CPNE8: variants seen among roughly 807,000 people sequenced by gnomAD.
CPNE8 encodes the protein copine-8.
A neutral mutation model predicts 81.5 loss-of-function variants in CPNE8; 45 were observed. That is an observed-to-expected ratio of 0.55 (90% confidence interval 0.44 to 0.71). The LOEUF (loss-of-function observed/expected upper bound fraction) is 0.71, where lower values mean the gene tolerates loss of function less well. CPNE8 is among the 30% of genes least tolerant of loss of function. The probability of loss-of-function intolerance (pLI) is 0.00; values close to 1 mark genes in which losing one functional copy is unlikely to be tolerated. For missense variants in CPNE8, 594 were observed against 672.1 expected (o/e 0.88, Z 1.28); for synonymous variants, 252 against 226.3 (o/e 1.11, Z -1.02).
At chr12:38,873,182 C>CA (rs374040837) in intron 2 of CPNE8, 132 bp from the exon 3 acceptor site, 11,575 of 411,830 alleles carry the variant, frequency 0.028, 37 homozygotes, top group South Asian at 0.075. Flanking sequence ...CTTACCCTTG[C>CA]AAAAAAAAAA....
At chr12:38,756,740 T>C (rs1941468731) in intron 10 of CPNE8, among the ~76,000 whole-genome samples, 1 of 152,224 alleles carries the variant, frequency 6.6e-6, no homozygotes, top group Non-Finnish European at 1.5e-5. Context: ...AAACATTTCA[T>C]CTGATATAAA....
chr12:38,899,029 T>C (rs951462839), intron 1 of CPNE8, among the ~76,000 whole-genome samples: 5 of 152,156 alleles, frequency 3.3e-5, no homozygotes, highest in African/African-American at 9.7e-5. Flanking sequence ...CTAACTGCAA[T>C]ATACCTGCTA....
chr12:38,848,782 T>A, intron 3 of CPNE8, 120 bp from the exon 4 acceptor site: 1 of 1,257,920 alleles, frequency 7.9e-7, no homozygotes, highest in Non-Finnish European at 1.0e-6. Context: ...ATAATAGAAA[T>A]TTTTTAGCGA....
intron 19 of CPNE8, among the ~76,000 whole-genome samples, chr12:38,657,015 C>T (rs1459323250): frequency 6.6e-6 from 1 of 152,164 alleles, no homozygotes; most frequent in African/African-American, 2.4e-5. Flanking sequence ...GATCATCTCA[C>T]TGGGACTGGT....
chr12:38,723,474 A>T (rs1940616680), intron 13 of CPNE8, among the ~76,000 whole-genome samples: 1 of 152,196 alleles, frequency 6.6e-6, no homozygotes, highest in Non-Finnish European at 1.5e-5. Flanking sequence ...TAAATAGTAC[A>T]TGTAAAATGT....
chr12:38,697,816 C>T (rs1400296386), intron 14 of CPNE8, among the ~76,000 whole-genome samples: 1 of 152,178 alleles, frequency 6.6e-6, no homozygotes, highest in East Asian at 1.9e-4. Context: ...CTCTCTCTCT[C>T]TCTCTTGCTC....
At chr12:38,869,671 A>G (rs773949556) in intron 3 of CPNE8, among the ~76,000 whole-genome samples, 4 of 152,070 alleles carry the variant, frequency 2.6e-5, no homozygotes, top group Non-Finnish European at 4.4e-5. Context: ...TTCTCTCTTT[A>G]ATACTTTTCA....
intron 6 of CPNE8, among the ~76,000 whole-genome samples, chr12:38,787,550 AG>A (rs1942223114): frequency 6.6e-6 from 1 of 151,840 alleles, no homozygotes; most frequent in African/African-American, 2.4e-5. Flanking sequence ...GAATTAGAAA[AG>A]CAAGAGCAAA....
At position 38,707,602 on chromosome 12, in the gene CPNE8, G is replaced by T. The variant is rs191716115; in HGVS notation, c.915-4681C>A. ...CACTAAATGATAAATAAGACCATTT[G>T]GTAATTATGGTGCAACAGAGACACT... On this transcript the variant is annotated intron_variant, in intron 13 of 19. Transcript: ENST00000331366. Among the ~76,000 whole-genome samples, 17 of 152,240 alleles carry T rather than the reference G, an allele frequency of 1.1e-4. No homozygotes were observed. In the East Asian group the frequency reaches 3.1e-3, roughly 28 times the overall value.
In CPNE8 at chr12:38,698,999, A is replaced by G. The variant is rs550365594; in HGVS notation, c.961+3876T>C. On this transcript the variant is annotated intron_variant, in intron 14 of 19. Transcript: ENST00000331366. ...TTTCCATATGAATTTCTTCCAAAAC[A>G]TCCTTTCAGATTTTGATAAAGATTG... Among the ~76,000 whole-genome samples the G allele has an allele frequency of 2.6e-5, 4 of 152,344 alleles. No individual in the cohort carries two copies. In the South Asian group the frequency reaches 8.3e-4, roughly 32 times the overall value.
intron 18 of CPNE8, among the ~76,000 whole-genome samples, chr12:38,671,280 C>CACACACACACGCAT (rs1344828690): frequency 1.1e-4 from 17 of 152,008 alleles, no homozygotes; most frequent in Middle Eastern, 6.8e-3. Context: ...CATACACATA[C>CACACACACACGCAT]ACACACACAC....
At chr12:38,792,110 G>C (rs1294027713) in intron 6 of CPNE8, among the ~76,000 whole-genome samples, 1 of 150,270 alleles carries the variant, frequency 6.7e-6, no homozygotes, top group Non-Finnish European at 1.5e-5. Flanking sequence ...GTTTATAGCT[G>C]TAAACATATA....
intron 10 of CPNE8, among the ~76,000 whole-genome samples, chr12:38,735,085 C>A (rs1322554137): frequency 6.6e-6 from 1 of 152,032 alleles, no homozygotes; most frequent in African/African-American, 2.4e-5. Context: ...GATTTTGGAA[C>A]AAAACTGGTA....
At chr12:38,833,955 G>C (rs1007515131) in intron 5 of CPNE8, among the ~76,000 whole-genome samples, 2 of 152,140 alleles carry the variant, frequency 1.3e-5, no homozygotes, top group African/African-American at 4.8e-5. Context: ...CAAAGTCCCT[G>C]AGACAAGTAT....
chr12:38,684,953 A>G (rs11169105), intron 16 of CPNE8, among the ~76,000 whole-genome samples: 14,857 of 152,212 alleles, frequency 0.098, 916 homozygotes, highest in East Asian at 0.24. Context: ...ACTTGGAGTA[A>G]TAAGCAATTA....
chr12:38,756,336 A>C (rs1485619301), intron 10 of CPNE8, among the ~76,000 whole-genome samples: 1 of 149,616 alleles, frequency 6.7e-6, no homozygotes, highest in Non-Finnish European at 1.5e-5. Context: ...ATTGTAAGCA[A>C]GTAAAGCATT....
intron 6 of CPNE8, among the ~76,000 whole-genome samples, chr12:38,821,737 G>A (rs1182771438): frequency 5.3e-5 from 8 of 152,204 alleles, no homozygotes; most frequent in African/African-American, 1.7e-4. Flanking sequence ...TCTGAGTAGA[G>A]CAGAGAATCA....
intron 8 of CPNE8, among the ~76,000 whole-genome samples, chr12:38,764,879 AG>A (rs1941655572): frequency 1.3e-5 from 2 of 152,116 alleles, no homozygotes; most frequent in Admixed American, 6.5e-5. Context: ...AGAGAGAGAG[AG>A]AAAAAGAGAG....
intron 15 of CPNE8, among the ~76,000 whole-genome samples, chr12:38,687,153 T>C (rs1182272506): frequency 6.6e-6 from 1 of 152,118 alleles, no homozygotes; most frequent in Admixed American, 6.6e-5. Context: ...ATACCAAGTT[T>C]TATACTAAAA....
Sources: allele counts gnomAD v4.1 joint callset (sites outside exome capture counted in the v4.1 genomes callset), GRCh38; gene constraint gnomAD v4.1.1; transcripts MANE v1.5; gene names NCBI Gene and HGNC (gene_info 2026-07-23, HGNC 2026-07-21).